The following RYR2 variants were observed in gnomAD, a reference collection of about 807,000 sequenced individuals.
The protein encoded by RYR2 is ryanodine receptor 2.
RYR2 carries 227 observed loss-of-function variants against 601.1 expected under a neutral mutation model. The observed-to-expected ratio is 0.38, with a 90% confidence interval of 0.34 to 0.42. The LOEUF is 0.42. Among genes scored for constraint, RYR2 ranks in the 10% least tolerant of loss-of-function variants. The pLI, the probability that RYR2 is intolerant of heterozygous loss-of-function variation, is 1.00. For synonymous variants in RYR2, 2,223 were observed against 2,175.1 expected, an observed-to-expected ratio of 1.02 and a Z score of -0.61; for missense variants, 4,646 against 6,156.5, an observed-to-expected ratio of 0.75 and a Z score of 8.21.
intron 40 of RYR2, 108 bp downstream of exon 40, chr1:237,625,912 A>G: frequency 7.8e-7 from 1 of 1,276,638 alleles, no homozygotes; most frequent in East Asian, 2.5e-5. Context: ...TGAGTTTGCA[A>G]CTTCCAAGAA....
chr1:237,070,951 C>T (rs909714741), intron 1 of RYR2, among the ~76,000 whole-genome samples: 2 of 152,228 alleles, frequency 1.3e-5, no homozygotes, highest in Non-Finnish European at 2.9e-5. Flanking sequence ...CCCCAAGGGC[C>T]ACTGCTCTTC....
At chr1:237,515,391 T>A (rs12035214) in intron 24 of RYR2, among the ~76,000 whole-genome samples, 1 of 152,126 alleles carries the variant, frequency 6.6e-6, no homozygotes, top group Non-Finnish European at 1.5e-5. Flanking sequence ...ACTACAATGA[T>A]ATTTTTCCTC....
chr1:237,418,334 G>A (rs1367361040), intron 11 of RYR2, among the ~76,000 whole-genome samples: 1 of 152,136 alleles, frequency 6.6e-6, no homozygotes. Context: ...GAGCCACCAC[G>A]CTCGGCCTAG....
At chr1:237,584,656 T>G (rs12752395) in intron 29 of RYR2, among the ~76,000 whole-genome samples, 25 of 38,530 alleles carry the variant, frequency 6.5e-4, no homozygotes, top group East Asian at 1.3e-3. Context: ...CCTGTTTTTT[T>G]TTTTTTTTTT....
intron 73 of RYR2, among the ~76,000 whole-genome samples, chr1:237,721,921 A>T (rs907173581): frequency 7.9e-5 from 12 of 152,296 alleles, no homozygotes; most frequent in African/African-American, 2.9e-4. Context: ...TCTATGACTT[A>T]TAATAATGTT....
At chr1:237,692,383 A>G (rs1045991489) in intron 63 of RYR2, among the ~76,000 whole-genome samples, 2 of 152,048 alleles carry the variant, frequency 1.3e-5, no homozygotes, top group Non-Finnish European at 2.9e-5. Flanking sequence ...GCTTCTCTCA[A>G]CTGTGTTCCA....
intron 58 of RYR2, among the ~76,000 whole-genome samples, chr1:237,669,509 A>ACC (rs1212386532): frequency 8.1e-6 from 1 of 123,752 alleles, no homozygotes; most frequent in African/African-American, 2.8e-5. Flanking sequence ...CGGGGGGCTG[A>ACC]CCCCCCCCAC....
intron 3 of RYR2, among the ~76,000 whole-genome samples, chr1:237,331,890 C>A (rs1696785015): frequency 6.6e-6 from 1 of 152,132 alleles, no homozygotes; most frequent in African/African-American, 2.4e-5. Context: ...TTCAATGAGA[C>A]TTCCTGTGAC....
intron 2 of RYR2, among the ~76,000 whole-genome samples, chr1:237,328,879 C>G (rs1345725103): frequency 1.3e-5 from 2 of 152,014 alleles, no homozygotes; most frequent in Non-Finnish European, 2.9e-5. Flanking sequence ...ATTTATCCTC[C>G]CAGTGTTCTT....
chr1:237,254,131 C>G (rs1302799215), intron 1 of RYR2, among the ~76,000 whole-genome samples: 1 of 152,068 alleles, frequency 6.6e-6, no homozygotes, highest in Non-Finnish European at 1.5e-5. Context: ...ATACCATGCC[C>G]CATGTTTTTG....
chr1:237,465,951 G>A (rs1230132758), intron 16 of RYR2, among the ~76,000 whole-genome samples: 1 of 152,204 alleles, frequency 6.6e-6, no homozygotes. Flanking sequence ...ATGAAGTAGT[G>A]TAGAAATTAC....
At chr1:237,308,804 T>G (rs12129966) in intron 2 of RYR2, among the ~76,000 whole-genome samples, 69,028 of 152,164 alleles carry the variant, frequency 0.45, 18,295 homozygotes, top group East Asian at 0.59. Context: ...TTGCCTCTGC[T>G]GGCTTGGGCA....
chr1:237,724,206 T>G (rs2149130189), intron 74 of RYR2, among the ~76,000 whole-genome samples: 1 of 148,032 alleles, frequency 6.8e-6, no homozygotes, highest in Non-Finnish European at 1.5e-5. Flanking sequence ...TATATATATA[T>G]ATATATATAT....
At chr1:237,340,236 G>T (rs1012108103) in intron 3 of RYR2, among the ~76,000 whole-genome samples, 7 of 152,134 alleles carry the variant, frequency 4.6e-5, no homozygotes, top group Non-Finnish European at 1.0e-4. Flanking sequence ...CCATGACCAA[G>T]AAATAGAAAG....
chr1:237,588,482 T>C (rs1303467644), intron 29 of RYR2, among the ~76,000 whole-genome samples: 4 of 152,248 alleles, frequency 2.6e-5, no homozygotes. Context: ...TAGTCTGCAT[T>C]CCAATACTGA....
chr1:237,463,125 C>A (rs1296912895), intron 16 of RYR2, among the ~76,000 whole-genome samples: 1 of 152,028 alleles, frequency 6.6e-6, no homozygotes, highest in Non-Finnish European at 1.5e-5. Context: ...GGCTTAGGAG[C>A]ATCTACTTGT....
chr1:237,730,021 C>T (rs763571111), intron 76 of RYR2, among the ~76,000 whole-genome samples: 9 of 152,090 alleles, frequency 5.9e-5, no homozygotes, highest in South Asian at 2.1e-4. Flanking sequence ...TTGGGAAAGT[C>T]GAGTCACTTG....
intron 10 of RYR2, among the ~76,000 whole-genome samples, chr1:237,394,451 A>T (rs1455880057): frequency 6.6e-6 from 1 of 152,192 alleles, no homozygotes; most frequent in African/African-American, 2.4e-5. Context: ...GCTTCTTGGG[A>T]TGCTGGTTAG....
intron 1 of RYR2, among the ~76,000 whole-genome samples, chr1:237,160,842 A>T (rs1239958163): frequency 6.6e-6 from 1 of 152,100 alleles, no homozygotes; most frequent in African/African-American, 2.4e-5. Flanking sequence ...TTGTAACTTC[A>T]CTCTAAATCA....
Sources: gnomAD v4.1 joint callset for allele counts (sites outside exome capture counted in the v4.1 genomes callset) on GRCh38, gnomAD v4.1.1 for gene constraint, MANE v1.5 for transcripts, NCBI Gene and HGNC (gene_info 2026-07-23, HGNC 2026-07-21) for gene names.